The following TMCC1 variants were observed in gnomAD, a reference collection of about 807,000 sequenced individuals.
TMCC1 encodes the protein transmembrane and coiled-coil domains protein 1.
TMCC1 carries 15 observed loss-of-function variants against 52.4 expected under a neutral mutation model. The observed-to-expected ratio is 0.29, with a 90% CI of 0.19 to 0.44. The LOEUF is 0.44. Among genes scored for constraint, TMCC1 ranks in the 20% least tolerant of loss-of-function variants. TMCC1 has a pLI of 1.00. For synonymous variants in TMCC1, 279 were observed against 301.9 expected (o/e 0.92, Z 0.79); for missense variants, 503 against 806.0 (o/e 0.62, Z 4.55).
At chr3:129,835,349 T>G (rs2059112821) in intron 2 of TMCC1, among the ~76,000 whole-genome samples, 1 of 151,668 alleles carries the variant, frequency 6.6e-6, no homozygotes, top group Non-Finnish European at 1.5e-5. Context: ...ATATATATTT[T>G]AATGACAGGC....
intron 4 of TMCC1, among the ~76,000 whole-genome samples, chr3:129,809,280 A>G (rs1403849056): frequency 6.6e-6 from 1 of 150,742 alleles, no homozygotes; most frequent in East Asian, 1.9e-4. Flanking sequence ...CTGGAAGATT[A>G]TATTAAATAA....
At chr3:129,701,974 A>G (rs965808076) in intron 4 of TMCC1, among the ~76,000 whole-genome samples, 3 of 152,154 alleles carry the variant, frequency 2.0e-5, no homozygotes, top group African/African-American at 7.2e-5. Context: ...TAAAAAATAG[A>G]AAAAAATTTT....
chr3:129,756,258 C>T (rs2053002111), intron 4 of TMCC1, among the ~76,000 whole-genome samples: 1 of 152,110 alleles, frequency 6.6e-6, no homozygotes, highest in African/African-American at 2.4e-5. Context: ...TAGTAGCTTT[C>T]TTCATCATCA....
chr3:129,677,546 C>T (rs1184789349), intron 4 of TMCC1, among the ~76,000 whole-genome samples: 2 of 152,282 alleles, frequency 1.3e-5, no homozygotes, highest in East Asian at 3.9e-4. Context: ...ACAAATACTT[C>T]AATGATACAG....
At chr3:129,747,854 C>T (rs2052122848) in intron 4 of TMCC1, among the ~76,000 whole-genome samples, 1 of 152,176 alleles carries the variant, frequency 6.6e-6, no homozygotes, top group Non-Finnish European at 1.5e-5. Flanking sequence ...GTACTCACTC[C>T]TTCCCACCCA....
At chr3:129,712,616 T>C (rs1337333371) in intron 4 of TMCC1, among the ~76,000 whole-genome samples, 14 of 151,832 alleles carry the variant, frequency 9.2e-5, no homozygotes, top group Admixed American at 8.5e-4. Context: ...CCCAGCTAAT[T>C]AAAAAAATTT....
At chr3:129,834,372 TTGAG>T (rs997755019) in intron 2 of TMCC1, among the ~76,000 whole-genome samples, 2 of 152,154 alleles carry the variant, frequency 1.3e-5, no homozygotes, top group Non-Finnish European at 2.9e-5. Context: ...TAGGTAATTA[TTGAG>T]TATTTATATT....
intron 4 of TMCC1, among the ~76,000 whole-genome samples, chr3:129,774,633 T>C (rs2054876559): frequency 6.6e-6 from 1 of 152,122 alleles, no homozygotes; most frequent in Non-Finnish European, 1.5e-5. Context: ...AGAAACCTCT[T>C]TGGAGAAATG....
At chr3:129,761,016 T>C (rs2053532001) in intron 4 of TMCC1, among the ~76,000 whole-genome samples, 2 of 152,006 alleles carry the variant, frequency 1.3e-5, no homozygotes, top group Non-Finnish European at 2.9e-5. Context: ...GACAGAATAC[T>C]TCCACTGCCC....
chr3:129,682,688 A>C (rs1387531813), intron 4 of TMCC1, among the ~76,000 whole-genome samples: 1 of 152,144 alleles, frequency 6.6e-6, no homozygotes, highest in African/African-American at 2.4e-5. Context: ...GTTTCCCCTG[A>C]CAAATCAAAA....
At chr3:129,738,930 C>T (rs2051218452) in intron 4 of TMCC1, among the ~76,000 whole-genome samples, 1 of 152,134 alleles carries the variant, frequency 6.6e-6, no homozygotes, top group Non-Finnish European at 1.5e-5. Flanking sequence ...GATCCTCCCA[C>T]CTCAGCCTCC....
rs533276781 is a variant in TMCC1 at position 129,697,168 on chromosome 3, C to A, written c.577-25904G>T. Among the ~76,000 whole-genome samples the A allele has an allele frequency of 3.3e-5, 5 of 152,348 alleles. No homozygotes were observed. The East Asian group carries it at 9.6e-4, about 29-fold the overall frequency. On this transcript the variant is annotated intron_variant, in intron 4 of 6. Coordinates refer to ENST00000393238, the MANE Select transcript of TMCC1 (RefSeq NM_001017395.5). Reference sequence around the variant, plus strand: ...GAGGTTCTCCATGAGGGCTCTGCCCCTGCAGCAAACTTTTGCCTGGACATC... The same window carrying A: ...GAGGTTCTCCATGAGGGCTCTGCCCATGCAGCAAACTTTTGCCTGGACATC...
intron 4 of TMCC1, among the ~76,000 whole-genome samples, chr3:129,827,303 G>A (rs2058700463): frequency 6.6e-6 from 1 of 152,220 alleles, no homozygotes; most frequent in African/African-American, 2.4e-5. Context: ...CTATAATAAT[G>A]TATATGCTCT....
At chr3:129,791,601 T>G (rs1324973410) in intron 4 of TMCC1, among the ~76,000 whole-genome samples, 1 of 152,110 alleles carries the variant, frequency 6.6e-6, no homozygotes, top group Admixed American at 6.5e-5. Context: ...TCTAGACTAT[T>G]TTGGATGGCT....
At chr3:129,827,429 T>C (rs1198518975) in intron 4 of TMCC1, among the ~76,000 whole-genome samples, 1 of 152,214 alleles carries the variant, frequency 6.6e-6, no homozygotes, top group Non-Finnish European at 1.5e-5. Context: ...TAGAACTTTA[T>C]TCACTACATT....
chr3:129,872,224 A>T (rs2060963481), intron 2 of TMCC1, among the ~76,000 whole-genome samples: 1 of 152,188 alleles, frequency 6.6e-6, no homozygotes, highest in South Asian at 2.1e-4. Context: ...GACTGGTTTC[A>T]GGCAATATGG....
intron 4 of TMCC1, among the ~76,000 whole-genome samples, chr3:129,765,261 AG>A (rs2054031432): frequency 6.6e-6 from 1 of 152,142 alleles, no homozygotes; most frequent in African/African-American, 2.4e-5. Flanking sequence ...TTAAGAAAAC[AG>A]GCACAAATTT....
chr3:129,807,601 T>C (rs1487216616), intron 4 of TMCC1, among the ~76,000 whole-genome samples: 1 of 152,144 alleles, frequency 6.6e-6, no homozygotes, highest in Non-Finnish European at 1.5e-5. Context: ...GAGCTTTTTT[T>C]GAAATTCTAG....
chr3:129,759,709 ACTTTTTTTTTT>A (rs1421552744), intron 4 of TMCC1, among the ~76,000 whole-genome samples: 16 of 98,372 alleles, frequency 1.6e-4, no homozygotes, highest in African/African-American at 5.5e-4. Flanking sequence ...AGCCAGCCAA[ACTTTTTTTTTT>A]TTTTTTTTTT....
Sources: allele counts gnomAD v4.1 joint callset (sites outside exome capture counted in the v4.1 genomes callset), GRCh38; gene constraint gnomAD v4.1.1; transcripts MANE v1.5; gene names NCBI Gene and HGNC (gene_info 2026-07-23, HGNC 2026-07-21).